SLC71A2: variants seen among roughly 807,000 people sequenced by gnomAD.
SLC71A2 encodes the protein hippocampus abundant transcript-like 1.
the SLC71A2 span, among the ~76,000 whole-genome samples, chr9:94,411,478 T>A: frequency 1.3e-5 from 2 of 152,134 alleles, no homozygotes; most frequent in African/African-American, 4.8e-5. Context: ...CCTTGTCAGC[T>A]TTTACCCAGT....
the SLC71A2 span, among the ~76,000 whole-genome samples, chr9:94,383,630 A>C: frequency 6.6e-6 from 1 of 152,220 alleles, no homozygotes; most frequent in African/African-American, 2.4e-5. Context: ...TATTTTTTAA[A>C]GTCGTTTTAG....
chr9:94,446,719 G>T, the SLC71A2 span: 1 of 531,944 alleles, frequency 1.9e-6, no homozygotes, highest in South Asian at 3.3e-5. Flanking sequence ...TTTGACTTTT[G>T]TTATTCATCT....
chr9:94,374,826 G>A, the SLC71A2 span: 14 of 782,464 alleles, frequency 1.8e-5, no homozygotes, highest in African/African-American at 2.4e-4. Context: ...CGGCATGAGC[G>A]TGGAGCCGCC....
the SLC71A2 span, among the ~76,000 whole-genome samples, chr9:94,417,849 TCCCACCCCACCCCCCCC>T: frequency 1.4e-4 from 7 of 51,630 alleles, no homozygotes; most frequent in Admixed American, 1.1e-3. Context: ...ATAGGCAAGT[TCCCACCCCACCCCCCCC>T]CCCCCCCCCC....
At chr9:94,445,161 G>C in the SLC71A2 span, 3 of 1,613,108 alleles carry the variant, frequency 1.9e-6, no homozygotes, top group Non-Finnish European at 2.5e-6. Flanking sequence ...AGATTTCTTG[G>C]AAACAAGCAG....
chr9:94,391,362 TAAAAAAA>T, the SLC71A2 span, among the ~76,000 whole-genome samples: 1 of 130,388 alleles, frequency 7.7e-6, no homozygotes, highest in African/African-American at 2.8e-5. Flanking sequence ...GACTCTGTCT[TAAAAAAA>T]AAAAAAAAGG....
At chr9:94,460,680 T>C in the SLC71A2 span, 1 of 93,264 alleles carries the variant, frequency 1.1e-5, no homozygotes, top group African/African-American at 4.5e-5. Context: ...TAAAGGGTTT[T>C]AATTTTTTTT....
chr9:94,447,602 T>G, the SLC71A2 span, among the ~76,000 whole-genome samples: 2 of 151,446 alleles, frequency 1.3e-5, no homozygotes, highest in Non-Finnish European at 2.9e-5. Flanking sequence ...ATGCATAGCC[T>G]CCTCCACTAT....
At chr9:94,436,946 T>A in the SLC71A2 span, among the ~76,000 whole-genome samples, 1 of 152,196 alleles carries the variant, frequency 6.6e-6, no homozygotes, top group Non-Finnish European at 1.5e-5. Context: ...CAATTTTGAA[T>A]CCAGTAGAGA....
chr9:94,441,150 G>A, the SLC71A2 span: 6 of 1,016,400 alleles, frequency 5.9e-6, no homozygotes, highest in Non-Finnish European at 7.2e-6. Flanking sequence ...AATTAACATT[G>A]TATTAGAAAT....
chr9:94,426,229 A>T, the SLC71A2 span, among the ~76,000 whole-genome samples: 2 of 151,976 alleles, frequency 1.3e-5, no homozygotes, highest in Admixed American at 1.3e-4. Flanking sequence ...CAAGTATCCC[A>T]CTTAGAAGTC....
the SLC71A2 span, among the ~76,000 whole-genome samples, chr9:94,381,508 C>G: frequency 4.6e-5 from 7 of 151,858 alleles, no homozygotes; most frequent in Non-Finnish European, 7.4e-5. Context: ...GGATGAACCA[C>G]GATTTGTACA....
chr9:94,438,024 G>A, the SLC71A2 span, among the ~76,000 whole-genome samples: 2 of 152,074 alleles, frequency 1.3e-5, no homozygotes, highest in African/African-American at 4.8e-5. Flanking sequence ...TGCCTCTCGG[G>A]TTCAAGTGAT....
chr9:94,432,227 G>A, the SLC71A2 span, among the ~76,000 whole-genome samples: 9 of 152,144 alleles, frequency 5.9e-5, no homozygotes, highest in African/African-American at 1.9e-4. Context: ...TAGGTCAGAC[G>A]CAGTGGCTCA....
the SLC71A2 span, among the ~76,000 whole-genome samples, chr9:94,382,009 A>G: frequency 6.6e-6 from 1 of 150,870 alleles, no homozygotes; most frequent in African/African-American, 2.4e-5. Context: ...AGTGGCATTC[A>G]GTATCTTTCC....
the SLC71A2 span, among the ~76,000 whole-genome samples, chr9:94,396,256 C>T: frequency 6.6e-6 from 1 of 150,880 alleles, no homozygotes; most frequent in African/African-American, 2.4e-5. Flanking sequence ...TGGCTCACAC[C>T]TGTAATCCTA....
the SLC71A2 span, among the ~76,000 whole-genome samples, chr9:94,422,788 A>T: frequency 2.6e-5 from 4 of 152,180 alleles, no homozygotes; most frequent in South Asian, 2.1e-4. Context: ...ATCAGTTTTT[A>T]AAAAATTGGG....
At chr9:94,434,513 C>T in the SLC71A2 span, among the ~76,000 whole-genome samples, 1 of 152,270 alleles carries the variant, frequency 6.6e-6, no homozygotes, top group South Asian at 2.1e-4. Context: ...GACGGGGTTT[C>T]ACCATGTTCG....
chr9:94,414,179 T>C, the SLC71A2 span, among the ~76,000 whole-genome samples: 1 of 152,208 alleles, frequency 6.6e-6, no homozygotes, highest in African/African-American at 2.4e-5. Context: ...TTTTTGCAGT[T>C]CTTTGTTTTC....
Sources: allele counts gnomAD v4.1 joint callset (sites outside exome capture counted in the v4.1 genomes callset), GRCh38; gene constraint gnomAD v4.1.1; transcripts MANE v1.5; gene names NCBI Gene and HGNC (gene_info 2026-07-23, HGNC 2026-07-21).